SFMBT2: variants seen among roughly 807,000 people sequenced by gnomAD.
SFMBT2 encodes the protein scm-like with four MBT domains protein 2.
Under a neutral mutation model 110.1 loss-of-function variants are expected in SFMBT2, and 38 were observed. The observed-to-expected ratio is 0.35, with a 90% CI of 0.27 to 0.45. The LOEUF is 0.45. Ranked by LOEUF, SFMBT2 falls within the 20% of genes least tolerant of loss-of-function variation. The probability of loss-of-function intolerance (pLI) is 1.00; values close to 1 mark genes in which losing one functional copy is unlikely to be tolerated. For synonymous variants in SFMBT2, 425 were observed against 425.4 expected, an observed-to-expected ratio of 1.00 and a Z score of 0.01; for missense variants, 1,011 against 1,094.9, an observed-to-expected ratio of 0.92 and a Z score of 1.08.
intron 13 of SFMBT2, chr10:7,200,920 G>A (rs189816303): frequency 9.9e-5 from 78 of 785,994 alleles, no homozygotes; most frequent in Admixed American, 3.7e-4. Flanking sequence ...CCGGGCCCGC[G>A]GGAGTCATGG....
intron 7 of SFMBT2, among the ~76,000 whole-genome samples, chr10:7,267,876 A>T (rs1217578350): frequency 1.3e-5 from 2 of 152,232 alleles, no homozygotes; most frequent in Admixed American, 6.5e-5. Flanking sequence ...TGTGGTCATG[A>T]ACAAAGTAAG....
At chr10:7,387,736 G>A (rs948174291) in intron 1 of SFMBT2, among the ~76,000 whole-genome samples, 34 of 149,444 alleles carry the variant, frequency 2.3e-4, no homozygotes, top group Admixed American at 1.3e-3. Context: ...TTTGAGACCA[G>A]CCTGGCCAAC....
intron 4 of SFMBT2, among the ~76,000 whole-genome samples, chr10:7,307,230 T>C (rs1446203859): frequency 1.3e-5 from 2 of 152,190 alleles, no homozygotes; most frequent in Non-Finnish European, 2.9e-5. Context: ...ACCATGTTCA[T>C]GGATTAGAGA....
chr10:7,381,468 A>T (rs1188398943), intron 2 of SFMBT2, among the ~76,000 whole-genome samples: 1 of 152,112 alleles, frequency 6.6e-6, no homozygotes, highest in Non-Finnish European at 1.5e-5. Flanking sequence ...GAGACCTCCA[A>T]CCCTGCTCTT....
chr10:7,210,912 G>A (rs749380657), intron 11 of SFMBT2, among the ~76,000 whole-genome samples: 1 of 151,906 alleles, frequency 6.6e-6, no homozygotes, highest in Non-Finnish European at 1.5e-5. Flanking sequence ...GGGATTAGAC[G>A]AGTATGGGGG....
At chr10:7,363,513 TA>T (rs1173526827) in intron 4 of SFMBT2, among the ~76,000 whole-genome samples, 3 of 152,110 alleles carry the variant, frequency 2.0e-5, no homozygotes, top group Non-Finnish European at 4.4e-5. Flanking sequence ...CACGCCCAGC[TA>T]ATTTTGTATT....
At chr10:7,388,924 T>C (rs1230594860) in intron 1 of SFMBT2, among the ~76,000 whole-genome samples, 3 of 151,928 alleles carry the variant, frequency 2.0e-5, no homozygotes, top group Non-Finnish European at 4.4e-5. Flanking sequence ...GATGGATGAA[T>C]GGAAACAAAC....
At chr10:7,391,808 G>A (rs2132105500) in intron 1 of SFMBT2, among the ~76,000 whole-genome samples, 1 of 152,266 alleles carries the variant, frequency 6.6e-6, no homozygotes, top group South Asian at 2.1e-4. Flanking sequence ...TTAGTTCACA[G>A]AGAATTCGGA....
At chr10:7,370,915 A>C (rs1588488629) in intron 2 of SFMBT2, 2 of 415,404 alleles carry the variant, frequency 4.8e-6, no homozygotes, top group Non-Finnish European at 6.5e-6. Context: ...AACAACACAA[A>C]CCGACCAGCT....
chr10:7,389,957 T>G (rs1241291918), intron 1 of SFMBT2, among the ~76,000 whole-genome samples: 1 of 152,242 alleles, frequency 6.6e-6, no homozygotes, highest in Non-Finnish European at 1.5e-5. Context: ...TAGCACAGGC[T>G]AAGCAAAGCC....
Position 7,293,694 on chromosome 10 carries a change from C to CTCTCTT in SFMBT2, c.437-7746_437-7741dup, listed in dbSNP as rs965984971. ...AGGTGCAAGCACAGTCAAAGTTCCT[C>CTCTCTT]TCTCTTTCTCTTTCTCTCTCTCTCT... On this transcript the variant is annotated intron_variant, in intron 4 of 20. Coordinates refer to ENST00000397167, the MANE Select transcript of SFMBT2 (RefSeq NM_001387889.1). The surrounding 1 kb of genome is among the most constrained non-coding windows in gnomAD (Gnocchi z 4.6). 3.3e-5 allele frequency among the ~76,000 whole-genome samples: 5 copies of CTCTCTT among 152,320 alleles called. No homozygotes were observed. The highest frequency in any genetic ancestry group is 1.3e-4 in the Admixed American group (2 of 15,290).
intron 7 of SFMBT2, among the ~76,000 whole-genome samples, chr10:7,254,700 C>T (rs1840938732): frequency 6.6e-6 from 1 of 152,002 alleles, no homozygotes; most frequent in African/African-American, 2.4e-5. Flanking sequence ...TGGTGGTGCA[C>T]ACCTGTAGTC....
At chr10:7,290,764 G>A (rs1407704950) in intron 4 of SFMBT2, among the ~76,000 whole-genome samples, 2 of 152,112 alleles carry the variant, frequency 1.3e-5, no homozygotes, top group Non-Finnish European at 2.9e-5. Context: ...GTGAGCCCAG[G>A]AGTTCGAAGC....
chr10:7,320,078 C>CAGAGAGAGACAGAGACAGAG, intron 4 of SFMBT2, among the ~76,000 whole-genome samples: 1 of 150,174 alleles, frequency 6.7e-6, no homozygotes, highest in Admixed American at 6.6e-5. Flanking sequence ...GACATAGAGA[C>CAGAGAGAGACAGAGACAGAG]AGAGAGAGAC....
chr10:7,312,394 T>C (rs1345391874), intron 4 of SFMBT2, among the ~76,000 whole-genome samples: 1 of 151,982 alleles, frequency 6.6e-6, no homozygotes, highest in Non-Finnish European at 1.5e-5. Context: ...CAGACCATTA[T>C]CCACATCTTC....
At chr10:7,197,798 G>A in intron 14 of SFMBT2, 111 bp from the exon 15 acceptor site, 1 of 1,403,202 alleles carries the variant, frequency 7.1e-7, no homozygotes, top group Non-Finnish European at 9.4e-7. Flanking sequence ...ACACAGAGCT[G>A]TCCGAGGTCT....
At chr10:7,327,446 C>T (rs1385554550) in intron 4 of SFMBT2, among the ~76,000 whole-genome samples, 1 of 152,092 alleles carries the variant, frequency 6.6e-6, no homozygotes, top group Non-Finnish European at 1.5e-5. Flanking sequence ...TTTGGGAGGC[C>T]AAGGTGGGCA....
chr10:7,258,320 G>A (rs147119633), intron 7 of SFMBT2, among the ~76,000 whole-genome samples: 3,152 of 152,178 alleles, frequency 0.021, 37 homozygotes, highest in Non-Finnish European at 0.028. Flanking sequence ...GTCAACCTTC[G>A]GTCCTTTGCT....
rs1037155186 is a variant in SFMBT2 at position 7,408,910 on chromosome 10, C to A, written c.-52+1951G>T. 2.0e-5 allele frequency among the ~76,000 whole-genome samples: 3 copies of A among 152,200 alleles called. No individual in the cohort carries two copies. Among genetic ancestry groups the A allele is most frequent in the African/African-American group, 7.2e-5 (3 of 41,446 alleles). On this transcript the variant is annotated intron_variant, in intron 1 of 20. Transcript: ENST00000397167. This position sits in a 1 kb window ranked among gnomAD's most constrained non-coding sequence, Gnocchi z 5.7. ...CCATGCCCGCCAAGACAAGAAGATG[C>A]CCCTCTCCGATGCGCCGAGAGGGTT... is the stretch of plus-strand genomic sequence containing the variant.
Sources: gnomAD v4.1 joint callset for allele counts (sites outside exome capture counted in the v4.1 genomes callset) on GRCh38, gnomAD v4.1.1 for gene constraint, Gnocchi (gnomAD v3.1) non-coding constraint, MANE v1.5 for transcripts, NCBI Gene and HGNC (gene_info 2026-07-23, HGNC 2026-07-21) for gene names.